TBC1D19: variants seen among roughly 807,000 people sequenced by gnomAD.
TBC1D19 encodes TBC1 domain family member 19.
In TBC1D19, 60 loss-of-function variants were observed where a neutral mutation model predicts 89.0. The observed-to-expected ratio is 0.67, with a 90% CI of 0.55 to 0.84. The LOEUF (loss-of-function observed/expected upper bound fraction) is 0.84. Among genes scored for constraint, TBC1D19 ranks in the 40% least tolerant of loss-of-function variants. The pLI is 0.00. For missense variants in TBC1D19, 500 were observed against 610.8 expected (o/e 0.82, Z 1.91); for synonymous variants, 189 against 199.7 (o/e 0.95, Z 0.45).
intron 4 of TBC1D19, among the ~76,000 whole-genome samples, chr4:26,622,999 G>T (rs919868865): frequency 6.6e-6 from 1 of 152,070 alleles, no homozygotes; most frequent in African/African-American, 2.4e-5. Flanking sequence ...TGGCCATACT[G>T]ATTACCTCCC....
At chr4:26,682,540 C>T (rs1312240298) in intron 11 of TBC1D19, among the ~76,000 whole-genome samples, 2 of 152,180 alleles carry the variant, frequency 1.3e-5, no homozygotes, top group Non-Finnish European at 2.9e-5. Context: ...GACCCTATCC[C>T]ACAACTCTTC....
At chr4:26,605,052 ATTT>A in intron 1 of TBC1D19, among the ~76,000 whole-genome samples, 1 of 151,746 alleles carries the variant, frequency 6.6e-6, no homozygotes, top group Admixed American at 6.6e-5. Flanking sequence ...TTTTATTTTT[ATTT>A]TTTTATTATT....
intron 11 of TBC1D19, among the ~76,000 whole-genome samples, chr4:26,683,281 G>C (rs900891886): frequency 6.6e-6 from 1 of 152,018 alleles, no homozygotes; most frequent in Non-Finnish European, 1.5e-5. Context: ...TTCTCTCTTG[G>C]CTTCAGTTTC....
the TBC1D19 span, among the ~76,000 whole-genome samples, chr4:26,813,273 A>T: frequency 6.6e-6 from 1 of 152,168 alleles, no homozygotes; most frequent in South Asian, 2.1e-4. Context: ...GAAAAAAAAG[A>T]AAAGAAAAGA....
the TBC1D19 span, among the ~76,000 whole-genome samples, chr4:26,819,184 G>C: frequency 6.6e-6 from 1 of 152,170 alleles, no homozygotes; most frequent in African/African-American, 2.4e-5. Context: ...TTTCCCTTTT[G>C]TGTTTGTGAG....
chr4:26,840,203 T>C, the TBC1D19 span, among the ~76,000 whole-genome samples: 1 of 152,124 alleles, frequency 6.6e-6, no homozygotes, highest in Non-Finnish European at 1.5e-5. Context: ...TGCCTCAGCC[T>C]CCTGAGTAGC....
chr4:26,749,894 A>C (rs917519455), intron 19 of TBC1D19, among the ~76,000 whole-genome samples: 41 of 152,254 alleles, frequency 2.7e-4, no homozygotes, highest in African/African-American at 9.6e-4. Flanking sequence ...TTTTTTAAAA[A>C]CCTATACAAA....
chr4:26,739,869 C>T lies in TBC1D19; in HGVS notation c.1123C>T (p.Pro375Ser), dbSNP rs775868853. The T allele has an allele frequency of 6.4e-7, 1 of 1,552,630 alleles. No individual in the cohort carries two copies. The highest frequency in any genetic ancestry group is 8.7e-7 in the Non-Finnish European group (1 of 1,152,620). The stretch of plus-strand genomic sequence containing the variant: ...AATTAATTTTTTTCTTTCAGTTGCA[C>T]CACTTTGTTTTCTATACCATGAACC... ...PFHGFSMYVA[P>S]LCFLYHEPSK... The change falls in exon 17 of 21, where the codon CCA becomes TCA. Residue 375 changes from proline to serine, a missense_variant. Physicochemically the swap from Pro to Ser is moderately conservative, Grantham distance 74. Around this residue, in one of 2 missense-constraint regions of TBC1D19, gnomAD observed 220 missense variants for 319.1 expected, o/e 0.69. Coordinates refer to ENST00000264866, the MANE Select transcript of TBC1D19 (RefSeq NM_018317.4).
intron 13 of TBC1D19, among the ~76,000 whole-genome samples, chr4:26,716,532 G>C (rs1353137842): frequency 6.6e-6 from 1 of 152,000 alleles, no homozygotes; most frequent in African/African-American, 2.4e-5. Flanking sequence ...TTGTAGTTGG[G>C]GAAAAGTGGA....
At chr4:26,828,118 T>C in the TBC1D19 span, among the ~76,000 whole-genome samples, 3 of 152,188 alleles carry the variant, frequency 2.0e-5, no homozygotes, top group Non-Finnish European at 4.4e-5. Flanking sequence ...TATGAAGTGC[T>C]CTGAGCCTTG....
At chr4:26,807,476 A>G in the TBC1D19 span, among the ~76,000 whole-genome samples, 1 of 152,214 alleles carries the variant, frequency 6.6e-6, no homozygotes, top group Admixed American at 6.5e-5. Flanking sequence ...TTCCTCTCCC[A>G]AATGGTGGTT....
chr4:26,691,410 T>G (rs1714273214), intron 13 of TBC1D19, among the ~76,000 whole-genome samples: 1 of 152,188 alleles, frequency 6.6e-6, no homozygotes, highest in Non-Finnish European at 1.5e-5. Flanking sequence ...AAATATTTTG[T>G]GAAAGGAAGA....
At position 26,747,508 on chromosome 4, in the gene TBC1D19, C is replaced by A. The variant is rs541124449; in HGVS notation, c.1320-903C>A. ...TTTTTCAGTCTTAAGATAATTAATA[C>A]AATGACACCAACCAAGGCAACCTCT... On this transcript the variant is annotated intron_variant, in intron 18 of 20. Transcript: ENST00000264866. Among the ~76,000 whole-genome samples the A allele has an allele frequency of 1.6e-4, 24 of 152,280 alleles. No individual in the cohort carries two copies. In the East Asian group the frequency reaches 4.6e-3, roughly 29 times the overall value.
intron 1 of TBC1D19, among the ~76,000 whole-genome samples, chr4:26,589,347 A>G (rs1375103095): frequency 6.6e-6 from 1 of 152,134 alleles, no homozygotes; most frequent in Non-Finnish European, 1.5e-5. Flanking sequence ...CTTGGCATAG[A>G]TCTTAGGGTA....
upstream of TBC1D19, among the ~76,000 whole-genome samples, chr4:26,583,165 G>A (rs1167802912): frequency 6.6e-6 from 1 of 151,978 alleles, no homozygotes. Context: ...GATTATTTTT[G>A]TGAGGTTATT....
chr4:26,694,485 AC>A (rs981237853), intron 13 of TBC1D19, among the ~76,000 whole-genome samples: 11 of 152,216 alleles, frequency 7.2e-5, no homozygotes, highest in African/African-American at 2.7e-4. Context: ...GCATAGCCGA[AC>A]AAAAGGCAGC....
At chr4:26,641,538 T>A (rs2110080677) in intron 7 of TBC1D19, among the ~76,000 whole-genome samples, 1 of 152,302 alleles carries the variant, frequency 6.6e-6, no homozygotes, top group Admixed American at 6.5e-5. Flanking sequence ...GGATCGCAGC[T>A]CCTTGCCAGC....
intron 13 of TBC1D19, among the ~76,000 whole-genome samples, chr4:26,701,755 C>T (rs1374436228): frequency 1.3e-5 from 2 of 152,070 alleles, no homozygotes; most frequent in Non-Finnish European, 1.5e-5. Flanking sequence ...AAAAAAAACC[C>T]ACATAAACTA....
intron 1 of TBC1D19, among the ~76,000 whole-genome samples, chr4:26,608,906 A>G (rs970481625): frequency 4.4e-4 from 67 of 151,786 alleles, no homozygotes; most frequent in African/African-American, 1.5e-3. Context: ...ACTATTCACA[A>G]TAGCAAAGAC....
Sources: gnomAD v4.1 joint callset for allele counts (sites outside exome capture counted in the v4.1 genomes callset) on GRCh38, gnomAD v4.1.1 for gene constraint, gnomAD v4.1.1 regional missense constraint, MANE v1.5 for transcripts, NCBI Gene and HGNC (gene_info 2026-07-23, HGNC 2026-07-21) for gene names.